RNASET2: variants seen among roughly 807,000 people sequenced by gnomAD.
RNASET2 encodes the protein ribonuclease T2, also known as ribonuclease 6.
In RNASET2, 28 loss-of-function variants were observed where a neutral mutation model predicts 33.9. That is an observed-to-expected ratio of 0.83 (90% CI 0.61 to 1.13). The LOEUF is 1.13. RNASET2 is among the 50% of genes most tolerant of loss of function. RNASET2 has a pLI of 0.00. For missense variants in RNASET2, 330 were observed against 319.9 expected (o/e 1.03, Z -0.24); for synonymous variants, 123 against 121.0 (o/e 1.02, Z -0.11).
chr6:166,927,266 G>T lies in RNASET2; in HGVS notation c.*2322C>A, dbSNP rs1778321368. ...CTTATACTTACATGATCTGAGGCAG[G>T]TTATCAAACGCTCATGTTCTACCTG... On this transcript the variant is annotated 3_prime_UTR_variant, in exon 9 of 9. Transcript: ENST00000508775. Among the ~76,000 whole-genome samples the T allele has an allele frequency of 6.6e-6, 1 of 152,116 alleles. No individual in the cohort carries two copies. The highest frequency in any genetic ancestry group is 1.5e-5 in the Non-Finnish European group (1 of 68,024).
Position 166,956,178 on chromosome 6 carries a change from C to A in RNASET2, c.5G>T (p.Arg2Leu). 1 of 1,548,322 alleles carries A rather than the reference C, an allele frequency of 6.5e-7. No individual in the cohort carries two copies. The highest frequency in any genetic ancestry group is 2.4e-5 in the East Asian group (1 of 40,848). M[R>L]PAALRGALLG... ...CAGGGCCCCGCGCAGGGCTGCAGGG[C>A]GCATGGTGCCGACCTGCGGAGAGAA... The change falls in exon 1 of 9, where the codon CGC becomes CTC. Residue 2 changes from arginine (R) to leucine (L), a missense_variant. Physicochemically the swap from Arg to Leu is moderately radical, Grantham distance 102. Transcript: ENST00000508775.
chr6:166,955,185 A>ACACACGCACACACACGCACACACG lies in RNASET2; in HGVS notation c.86+911_86+912insCGTGTGTGCGTGTGTGTGCGTGTG, dbSNP rs1554269950. Among the ~76,000 whole-genome samples, 160 of 113,400 alleles carry ACACACGCACACACACGCACACACG rather than the reference A, an allele frequency of 1.4e-3. 1 individual carries two copies. The highest frequency in any genetic ancestry group is 2.2e-3 in the South Asian group (7 of 3,216). The allele number at this position is 113,400 out of a possible 152,430, so 74.4% of individuals were successfully genotyped here. A position where few individuals can be genotyped will look rare whatever the true frequency, so the allele number is the denominator to read the frequency against. ...TAATTTGGGCGGCTGCCACACACAC[A>ACACACGCACACACACGCACACACG]CACGCACACACGCACGCACACACGC... On this transcript the variant is annotated intron_variant, in intron 1 of 8. Transcript: ENST00000508775.
intron 4 of RNASET2, chr6:166,943,478 G>A (rs1040938754): frequency 2.8e-5 from 9 of 324,662 alleles, no homozygotes; most frequent in Admixed American, 9.0e-5. Context: ...TTCCAACGAC[G>A]TGACAATTTG....
rs1191365338 is a variant in RNASET2, at chr6:166,926,876, A to T, written c.*2712T>A. 6.6e-6 allele frequency among the ~76,000 whole-genome samples: 1 copy of T among 152,230 alleles called. No individual in the cohort carries two copies. The highest frequency in any genetic ancestry group is 1.5e-5 in the Non-Finnish European group (1 of 68,036). ...ATGGTGCCGCAGAGATGCTCCAGGC[A>T]GACGCCTGCTCTGGCTGAGACCCGG... On this transcript the variant is annotated 3_prime_UTR_variant, in exon 9 of 9. Coordinates refer to ENST00000508775, the MANE Select transcript of RNASET2 (RefSeq NM_003730.6).
chr6:166,936,068 ACTT>A (rs897886352), intron 6 of RNASET2, among the ~76,000 whole-genome samples: 10 of 152,234 alleles, frequency 6.6e-5, no homozygotes, highest in Admixed American at 2.0e-4. Flanking sequence ...TTAAATTTTG[ACTT>A]CTTAATTTAA....
intron 3 of RNASET2, 133 bp from the exon 4 acceptor site, chr6:166,946,872 A>T: frequency 1.4e-6 from 1 of 712,986 alleles, no homozygotes. Flanking sequence ...GGAATTCCTT[A>T]TCCCAGGCAG....
At chr6:166,948,353 A>G in intron 3 of RNASET2, 1 of 629,666 alleles carries the variant, frequency 1.6e-6, no homozygotes, top group Non-Finnish European at 2.8e-6. Flanking sequence ...CTCAGAAAAA[A>G]AAAAAAAAAG....
intron 8 of RNASET2, among the ~76,000 whole-genome samples, chr6:166,930,705 T>C (rs932062214): frequency 7.0e-6 from 1 of 141,950 alleles, no homozygotes; most frequent in Non-Finnish European, 1.5e-5. Flanking sequence ...CATGCACACA[T>C]GCATGTACAT....
At chr6:166,947,443 A>G (rs539512143) in intron 3 of RNASET2, among the ~76,000 whole-genome samples, 6 of 152,196 alleles carry the variant, frequency 3.9e-5, no homozygotes, top group Admixed American at 3.3e-4. Flanking sequence ...CTTCAGGGTC[A>G]ACAGCTGGAC....
rs1778372175 is a variant in RNASET2 at position 166,929,683 on chromosome 6, C to A, written c.676G>T (p.Val226Phe). 6.2e-7 allele frequency: 1 copy of A among 1,614,054 alleles called. No homozygotes were observed. The highest frequency in any genetic ancestry group is 8.5e-7 in the Non-Finnish European group (1 of 1,180,038). ...TCGGCGGCCCCATTTGCCAGCCAGA[C>A]TTCCTGCTTGGGGGACGGCTGCTCC... is the stretch of plus-strand genomic sequence containing the variant. ...PGEQPSPKQE[V>F]WLANGAAESR... The change falls in exon 9 of 9, where the codon GTC (valine) becomes TTC (phenylalanine). Residue 226 changes from valine to phenylalanine, a missense_variant. Transcript: ENST00000508775.
chr6:166,946,156 GC>G (rs1409621786), intron 4 of RNASET2, among the ~76,000 whole-genome samples: 14 of 152,296 alleles, frequency 9.2e-5, no homozygotes, highest in African/African-American at 3.1e-4. Flanking sequence ...ATAAATTCCC[GC>G]CCTGTGAGTT....
chr6:166,955,185 A>ACACGCACACACG lies in RNASET2; in HGVS notation c.86+900_86+911dup, dbSNP rs1158803565. Among the ~76,000 whole-genome samples, 25 of 113,458 alleles carry ACACGCACACACG rather than the reference A, an allele frequency of 2.2e-4. 1 individual carries two copies. In the East Asian group the frequency reaches 5.3e-3, roughly 24 times the overall value. The allele number at this position is 113,458 out of a possible 152,430, so 74.4% of individuals were successfully genotyped here. A position where few individuals can be genotyped will look rare whatever the true frequency, so the allele number is the denominator to read the frequency against. ...TAATTTGGGCGGCTGCCACACACAC[A>ACACGCACACACG]CACGCACACACGCACGCACACACGC... is the stretch of plus-strand genomic sequence containing the variant. On this transcript the variant is annotated intron_variant, in intron 1 of 8. Coordinates refer to ENST00000508775, the MANE Select transcript of RNASET2 (RefSeq NM_003730.6).
chr6:166,952,627 T>C, intron 1 of RNASET2, 79 bp from the exon 2 acceptor site: 1 of 1,072,952 alleles, frequency 9.3e-7, no homozygotes, highest in Non-Finnish European at 1.4e-6. Context: ...ATCCATCCCT[T>C]CAATCATTCA....
In RNASET2 at chr6:166,922,752, G is replaced by A. The variant is rs1361673008; in HGVS notation, c.*6836C>T. ...TAAATATTTTCAAAACACCTACTAT[G>A]CTCAAGTAGCTGTGTTCAGTACTGG... is the stretch of plus-strand genomic sequence containing the variant. On this transcript the variant is annotated 3_prime_UTR_variant, in exon 9 of 9. Coordinates refer to ENST00000508775, the MANE Select transcript of RNASET2 (RefSeq NM_003730.6). 6.6e-6 allele frequency among the ~76,000 whole-genome samples: 1 copy of A among 152,152 alleles called. No individual in the cohort carries two copies. The highest frequency in any genetic ancestry group is 1.5e-5 in the Non-Finnish European group (1 of 68,038).
intron 5 of RNASET2, among the ~76,000 whole-genome samples, chr6:166,941,222 T>A (rs1010689152): frequency 2.0e-5 from 3 of 152,254 alleles, no homozygotes; most frequent in Non-Finnish European, 4.4e-5. Flanking sequence ...AAGTAAGTCA[T>A]CTTGCCTTTA....
At chr6:166,930,706 G>A (rs936578601) in intron 8 of RNASET2, among the ~76,000 whole-genome samples, 2 of 143,038 alleles carry the variant, frequency 1.4e-5, no homozygotes, top group African/African-American at 2.7e-5. Context: ...ATGCACACAT[G>A]CATGTACATG....
intron 2 of RNASET2, among the ~76,000 whole-genome samples, chr6:166,951,049 G>A (rs59853096): frequency 0.18 from 26,641 of 151,998 alleles, 2,982 homozygotes; most frequent in African/African-American, 0.32. Context: ...CTGCACTGTT[G>A]TTTATTGGAT....
At chr6:166,939,048 A>G in intron 5 of RNASET2, 40 bp from the exon 6 acceptor site, 1 of 1,471,176 alleles carries the variant, frequency 6.8e-7, no homozygotes. Context: ...AAAGTAGTGA[A>G]ACAGGCTGCG....
chr6:166,934,348 T>C (rs924280036), intron 6 of RNASET2: 2 of 572,440 alleles, frequency 3.5e-6, no homozygotes, highest in Non-Finnish European at 6.3e-6. Context: ...CACAAACTGC[T>C]CCAGGCAGGT....
Sources: gnomAD v4.1 joint callset for allele counts (sites outside exome capture counted in the v4.1 genomes callset) on GRCh38, gnomAD v4.1.1 for gene constraint, MANE v1.5 for transcripts, NCBI Gene and HGNC (gene_info 2026-07-23, HGNC 2026-07-21) for gene names.